PDE8B: variants seen among roughly 807,000 people sequenced by gnomAD.
The protein encoded by PDE8B is high affinity cAMP-specific and IBMX-insensitive 3',5'-cyclic phosphodiesterase 8B.
Under a neutral mutation model 101.3 loss-of-function variants are expected in PDE8B, and 26 were observed. The ratio of observed to expected loss-of-function variants is 0.26; its 90% CI spans 0.19 to 0.36. PDE8B has a LOEUF of 0.36. Among genes scored for constraint, PDE8B ranks in the 10% least tolerant of loss-of-function variants. The probability of loss-of-function intolerance (pLI) is 1.00; values close to 1 mark genes in which losing one functional copy is unlikely to be tolerated. For synonymous variants in PDE8B, 424 were observed against 429.3 expected (o/e 0.99, Z 0.15); for missense variants, 810 against 1,163.1 (o/e 0.70, Z 4.42).
At chr5:77,142,913 C>A in the PDE8B span, among the ~76,000 whole-genome samples, 1 of 152,102 alleles carries the variant, frequency 6.6e-6, no homozygotes. Context: ...GTCATCCTAA[C>A]CCTCTCCCAA....
At chr5:77,212,871 C>T (rs145669816) in intron 1 of PDE8B, among the ~76,000 whole-genome samples, 57 of 152,294 alleles carry the variant, frequency 3.7e-4, no homozygotes, top group Non-Finnish European at 7.5e-4. Context: ...TTTTGCCTGA[C>T]GGTTGAAGAC....
chr5:77,199,632 A>G, the PDE8B span, among the ~76,000 whole-genome samples: 1 of 152,152 alleles, frequency 6.6e-6, no homozygotes, highest in African/African-American at 2.4e-5. Context: ...CCTATGTAGG[A>G]TATTTATAAC....
intron 10 of PDE8B, among the ~76,000 whole-genome samples, chr5:77,378,460 A>T (rs1333299196): frequency 4.6e-4 from 19 of 41,308 alleles, no homozygotes; most frequent in African/African-American, 2.0e-3. Context: ...TCCATCTAAA[A>T]AAAAAAAAAA....
chr5:77,140,497 C>T, the PDE8B span: 12 of 152,404 alleles, frequency 7.9e-5, no homozygotes, highest in Middle Eastern at 3.4e-3. Context: ...TACTTACTGC[C>T]CAGCCTCTGA....
intron 10 of PDE8B, among the ~76,000 whole-genome samples, chr5:77,378,045 CACA>C (rs1786594237): frequency 3.0e-5 from 3 of 100,118 alleles, no homozygotes; most frequent in African/African-American, 5.7e-5. Flanking sequence ...CACACACACA[CACA>C]CCCCCTGTTG....
At chr5:77,213,895 G>A (rs536121988) in intron 1 of PDE8B, 6 of 151,028 alleles carry the variant, frequency 4.0e-5, no homozygotes, top group African/African-American at 1.5e-4. Context: ...ATGTCAACAG[G>A]AACCTTCCTG....
intron 1 of PDE8B, among the ~76,000 whole-genome samples, chr5:77,249,460 A>G (rs1757614637): frequency 6.6e-6 from 1 of 151,644 alleles, no homozygotes; most frequent in Admixed American, 6.6e-5. Context: ...GTGTAGACTC[A>G]GGGAAATAGT....
the PDE8B span, among the ~76,000 whole-genome samples, chr5:77,192,945 T>G: frequency 6.6e-6 from 1 of 152,184 alleles, no homozygotes; most frequent in Admixed American, 6.5e-5. Context: ...ATGCTGAGTC[T>G]TTTTTATATG....
rs534599225 is a variant in PDE8B at position 77,265,819 on chromosome 5, T to C, written c.340-46175T>C. Among the ~76,000 whole-genome samples, 33 of 152,350 alleles carry C rather than the reference T, an allele frequency of 2.2e-4. No individual in the cohort carries two copies. In the South Asian group the frequency reaches 6.8e-3, roughly 32 times the overall value. ...ACATTTATTTCAATATTAAATATCC[T>C]TCATATAAAATGGGCTGAAGTCTAA... On this transcript the variant is annotated intron_variant, in intron 1 of 21. Transcript: ENST00000264917.
intron 10 of PDE8B, among the ~76,000 whole-genome samples, chr5:77,378,009 T>TCCACAC (rs1213489921): frequency 1.9e-4 from 25 of 134,392 alleles, no homozygotes; most frequent in African/African-American, 7.4e-4. Context: ...CCTCTCTCTC[T>TCCACAC]ACACACACAC....
At chr5:77,191,915 G>A in the PDE8B span, among the ~76,000 whole-genome samples, 1 of 152,158 alleles carries the variant, frequency 6.6e-6, no homozygotes, top group African/African-American at 2.4e-5. Context: ...GGGGTGATGG[G>A]AGACAGTGAC....
At chr5:77,361,743 T>C (rs1783146593) in intron 10 of PDE8B, among the ~76,000 whole-genome samples, 1 of 152,180 alleles carries the variant, frequency 6.6e-6, no homozygotes, top group African/African-American at 2.4e-5. Context: ...CTCGATCTCC[T>C]GACCTTGTGA....
At chr5:77,286,343 G>T (rs1351462327) in intron 1 of PDE8B, among the ~76,000 whole-genome samples, 1 of 152,182 alleles carries the variant, frequency 6.6e-6, no homozygotes, top group Non-Finnish European at 1.5e-5. Flanking sequence ...CAAAATTTAG[G>T]TTCCCTCCTC....
At chr5:77,323,032 G>T (rs1531615) in intron 2 of PDE8B, among the ~76,000 whole-genome samples, 72,547 of 152,052 alleles carry the variant, frequency 0.48, 17,689 homozygotes, top group East Asian at 0.75. Flanking sequence ...AATTCAGCCA[G>T]ACAGGTGAGA....
At chr5:77,358,006 A>G (rs1782416806) in intron 10 of PDE8B, among the ~76,000 whole-genome samples, 1 of 151,956 alleles carries the variant, frequency 6.6e-6, no homozygotes, top group South Asian at 2.1e-4. Flanking sequence ...CACTGCCCCC[A>G]TGCCTTTACT....
chr5:77,236,983 G>A (rs1754823184), intron 1 of PDE8B, among the ~76,000 whole-genome samples: 1 of 152,050 alleles, frequency 6.6e-6, no homozygotes, highest in Admixed American at 6.6e-5. Context: ...TGTATATTTA[G>A]TATTTTCATG....
intron 3 of PDE8B, among the ~76,000 whole-genome samples, chr5:77,326,446 A>G (rs1302630733): frequency 1.3e-5 from 2 of 152,224 alleles, no homozygotes; most frequent in Admixed American, 1.3e-4. Flanking sequence ...GAATGTTAGT[A>G]AGTGAAATAA....
At chr5:77,238,035 A>G (rs762353114) in intron 1 of PDE8B, among the ~76,000 whole-genome samples, 2 of 152,002 alleles carry the variant, frequency 1.3e-5, no homozygotes, top group Non-Finnish European at 2.9e-5. Context: ...CATTATCTTT[A>G]GTTTTCAGTA....
intron 8 of PDE8B, among the ~76,000 whole-genome samples, 158 bp downstream of exon 8, chr5:77,349,717 C>CCT (rs1431444791): frequency 6.6e-6 from 1 of 152,076 alleles, no homozygotes; most frequent in Non-Finnish European, 1.5e-5. Flanking sequence ...TTTAAGTTAA[C>CCT]TTTGGAACTC....
Sources: gnomAD v4.1 joint callset for allele counts (sites outside exome capture counted in the v4.1 genomes callset) on GRCh38, gnomAD v4.1.1 for gene constraint, MANE v1.5 for transcripts, NCBI Gene and HGNC (gene_info 2026-07-23, HGNC 2026-07-21) for gene names.